Variants in PTPRG observed in about 807,000 individuals in gnomAD.
PTPRG encodes receptor-type tyrosine-protein phosphatase gamma.
Under a neutral mutation model 165.3 loss-of-function variants are expected in PTPRG, and 102 were observed. The observed-to-expected ratio is 0.62, with a 90% CI of 0.53 to 0.73. The LOEUF (loss-of-function observed/expected upper bound fraction) is 0.73, where lower values mean the gene tolerates loss of function less well. Among genes scored for constraint, PTPRG ranks in the 30% least tolerant of loss-of-function variants. PTPRG has a pLI of 0.00. For synonymous variants in PTPRG, 675 were observed against 669.5 expected (o/e 1.01, Z -0.13); for missense variants, 1,866 against 1,861.4 (o/e 1.00, Z -0.05).
At chr3:61,858,174 G>C (rs930761234) in intron 2 of PTPRG, among the ~76,000 whole-genome samples, 1 of 152,174 alleles carries the variant, frequency 6.6e-6, no homozygotes, top group Admixed American at 6.5e-5. Flanking sequence ...ATTATCTTTT[G>C]TAAGGCAGTG....
At chr3:61,824,867 C>G (rs559386866) in intron 2 of PTPRG, among the ~76,000 whole-genome samples, 1 of 152,328 alleles carries the variant, frequency 6.6e-6, no homozygotes, top group East Asian at 1.9e-4. Context: ...ACTTGCTGGT[C>G]ATGTTGATAA....
chr3:61,950,896 A>G (rs2039884036), intron 2 of PTPRG, among the ~76,000 whole-genome samples: 1 of 152,124 alleles, frequency 6.6e-6, no homozygotes, highest in Non-Finnish European at 1.5e-5. Context: ...TTCTGGAAAA[A>G]CTCATGGGGA....
chr3:61,970,967 A>G (rs1204889571), intron 2 of PTPRG, among the ~76,000 whole-genome samples: 1 of 152,112 alleles, frequency 6.6e-6, no homozygotes, highest in Non-Finnish European at 1.5e-5. Flanking sequence ...AGAGTGTAAT[A>G]TTGCTTATTT....
intron 17 of PTPRG, 33 bp downstream of exon 17, chr3:62,262,927 C>T (rs527810513): frequency 4.0e-5 from 60 of 1,501,248 alleles, no homozygotes; most frequent in East Asian, 1.4e-4. Context: ...CCTTCAACTG[C>T]GAGGAAATTA....
At chr3:62,191,172 C>T in intron 8 of PTPRG, among the ~76,000 whole-genome samples, 1 of 150,354 alleles carries the variant, frequency 6.7e-6, no homozygotes, top group Non-Finnish European at 1.5e-5. Context: ...GCATGTGCCT[C>T]TGTGCCCCGT....
At chr3:61,794,177 C>A (rs1186084154) in intron 2 of PTPRG, among the ~76,000 whole-genome samples, 1 of 151,922 alleles carries the variant, frequency 6.6e-6, no homozygotes, top group Non-Finnish European at 1.5e-5. Flanking sequence ...TGTTTTCCAC[C>A]CCCATCTCCA....
At chr3:61,937,855 C>A (rs1192694544) in intron 2 of PTPRG, among the ~76,000 whole-genome samples, 2 of 151,928 alleles carry the variant, frequency 1.3e-5, no homozygotes, top group African/African-American at 4.8e-5. Flanking sequence ...AATTTTTCAC[C>A]CTTTCTGATA....
intron 5 of PTPRG, among the ~76,000 whole-genome samples, chr3:62,088,481 T>C (rs538217757): frequency 8.5e-5 from 13 of 152,370 alleles, no homozygotes; most frequent in African/African-American, 2.9e-4. Context: ...CTTGAACAAC[T>C]GGGATTCCAA....
intron 3 of PTPRG, among the ~76,000 whole-genome samples, chr3:61,996,176 T>C (rs536784792): frequency 1.1e-4 from 17 of 152,338 alleles, no homozygotes; most frequent in African/African-American, 3.6e-4. Flanking sequence ...AACCTAAATG[T>C]GTTCTTATTG....
intron 5 of PTPRG, among the ~76,000 whole-genome samples, chr3:62,101,780 A>G (rs1027213629): frequency 6.6e-6 from 1 of 152,370 alleles, no homozygotes; most frequent in Admixed American, 6.5e-5. Flanking sequence ...GGAACCACAT[A>G]GAGCAAAAAT....
intron 1 of PTPRG, among the ~76,000 whole-genome samples, chr3:61,654,873 C>A (rs1232210671): frequency 7.3e-5 from 11 of 151,240 alleles, no homozygotes; most frequent in Admixed American, 7.2e-4. Context: ...CCTCTGCCTC[C>A]CGGGTTCAAG....
chr3:61,952,437 A>G (rs559879015), intron 2 of PTPRG, among the ~76,000 whole-genome samples: 1 of 152,236 alleles, frequency 6.6e-6, no homozygotes, highest in Admixed American at 6.5e-5. Context: ...GAATTCCTCT[A>G]AGGATCTATC....
At chr3:61,981,386 A>G (rs1257842583) in intron 2 of PTPRG, among the ~76,000 whole-genome samples, 1 of 152,138 alleles carries the variant, frequency 6.6e-6, no homozygotes, top group African/African-American at 2.4e-5. Flanking sequence ...CTGGGTTAAC[A>G]CCCTTTGCTG....
chr3:62,271,187 T>C lies in PTPRG; in HGVS notation c.3010-196T>C, dbSNP rs1702047391. ...AACAGTCTTCTCTTCTAAGTGATAG[T>C]GACACTTCATATCCAGCTTGGTAAT... On this transcript the variant is annotated intron_variant, in intron 20 of 29. Coordinates refer to ENST00000474889, the MANE Select transcript of PTPRG (RefSeq NM_002841.4). The surrounding 1 kb of genome is among the most constrained non-coding windows in gnomAD (Gnocchi z 4.1). Among the ~76,000 whole-genome samples the C allele has an allele frequency of 6.6e-6, 1 of 152,214 alleles. No individual in the cohort carries two copies. The highest frequency in any genetic ancestry group is 6.5e-5 in the Admixed American group (1 of 15,274).
chr3:61,618,359 G>C (rs2106890797), intron 1 of PTPRG, among the ~76,000 whole-genome samples: 1 of 152,218 alleles, frequency 6.6e-6, no homozygotes, highest in East Asian at 1.9e-4. Flanking sequence ...CATGAGAGGG[G>C]GGTGTGTGTG....
chr3:61,869,695 C>T (rs889457227), intron 2 of PTPRG, among the ~76,000 whole-genome samples: 2 of 152,126 alleles, frequency 1.3e-5, no homozygotes, highest in Admixed American at 6.5e-5. Context: ...CTTCCCCCCT[C>T]AGCCTCCCGA....
intron 1 of PTPRG, among the ~76,000 whole-genome samples, chr3:61,680,461 G>C (rs900251813): frequency 7.1e-6 from 1 of 141,606 alleles, no homozygotes; most frequent in African/African-American, 2.6e-5. Flanking sequence ...AGAAACATCA[G>C]CGTTTTGAGG....
At chr3:62,039,238 A>C (rs1373325966) in intron 4 of PTPRG, among the ~76,000 whole-genome samples, 4 of 143,494 alleles carry the variant, frequency 2.8e-5, no homozygotes, top group African/African-American at 5.3e-5. Context: ...CCTAGCCAAG[A>C]GTTATGGTTT....
intron 4 of PTPRG, among the ~76,000 whole-genome samples, chr3:62,014,232 C>A (rs958540087): frequency 3.9e-5 from 6 of 152,252 alleles, no homozygotes; most frequent in African/African-American, 1.2e-4. Context: ...ATTGCACCCC[C>A]CCTTTAATGG....
Sources: allele counts gnomAD v4.1 joint callset (sites outside exome capture counted in the v4.1 genomes callset), GRCh38; gene constraint gnomAD v4.1.1; non-coding constraint Gnocchi (gnomAD v3.1); transcripts MANE v1.5; gene names NCBI Gene and HGNC (gene_info 2026-07-23, HGNC 2026-07-21).